Variants in TSHZ1 observed in about 807,000 individuals in gnomAD.
TSHZ1 encodes the protein teashirt zinc finger homeobox 1.
A neutral mutation model predicts 67.1 loss-of-function variants in TSHZ1; 12 were observed. The observed-to-expected ratio is 0.18, with a 90% CI of 0.11 to 0.29. The LOEUF (loss-of-function observed/expected upper bound fraction) is 0.29, where lower values mean the gene tolerates loss of function less well. Ranked by LOEUF, TSHZ1 falls within the 10% of genes least tolerant of loss-of-function variation. The pLI is 1.00. For synonymous variants in TSHZ1, 632 were observed against 622.4 expected (o/e 1.02, Z -0.23); for missense variants, 1,305 against 1,413.9 (o/e 0.92, Z 1.23).
intron 1 of TSHZ1, chr18:75,284,331 G>C (rs867503257): frequency 6.5e-6 from 1 of 152,680 alleles, no homozygotes; most frequent in Non-Finnish European, 1.5e-5. Context: ...TCGCTCCGCT[G>C]TGCAGTCGTG....
At chr18:75,214,864 C>T (rs772513623) in intron 1 of TSHZ1, among the ~76,000 whole-genome samples, 19 of 152,230 alleles carry the variant, frequency 1.2e-4, no homozygotes, top group East Asian at 7.7e-4. Context: ...ACAGGCGTAA[C>T]GATTAATGCG....
In TSHZ1 at chr18:75,287,382, C is replaced by T. The variant is rs775558843; in HGVS notation, c.1975C>T (p.Pro659Ser). The change falls in exon 2 of 2, where the codon CCT (proline) becomes TCT (serine). Residue 659 changes from proline to serine, a missense_variant. Physicochemically the swap from Pro to Ser is moderately conservative, Grantham distance 74. This residue lies in a region of TSHZ1 where 909 missense variants were observed against 961.8 expected (regional missense o/e 0.95). Coordinates refer to ENST00000580243, the MANE Select transcript of TSHZ1 (RefSeq NM_001308210.2). The surrounding 1 kb of genome is among the most constrained non-coding windows in gnomAD (Gnocchi z 5.0). ...CAACATCAAGAAGGAGGAGAGACCCCCTGAGAAGGAGAAGAGCTCCCTGGC... is the reference window on the plus strand; with the variant it reads ...CAACATCAAGAAGGAGGAGAGACCCTCTGAGAAGGAGAAGAGCTCCCTGGC... ...KVNIKKEERP[P>S]EKEKSSLAKA... 11 of 1,613,896 alleles carry T rather than the reference C, an allele frequency of 6.8e-6. 1 individual carries two copies. The East Asian group carries it at 2.5e-4, about 36-fold the overall frequency.
intron 1 of TSHZ1, among the ~76,000 whole-genome samples, chr18:75,239,936 ACT>A (rs1291610574): frequency 2.0e-5 from 3 of 151,504 alleles, no homozygotes; most frequent in African/African-American, 7.3e-5. Flanking sequence ...TTTCGAGAAA[ACT>A]CTATTTCTTG....
intron 1 of TSHZ1, among the ~76,000 whole-genome samples, chr18:75,243,593 A>C (rs1016597145): frequency 6.6e-6 from 1 of 152,142 alleles, no homozygotes; most frequent in Non-Finnish European, 1.5e-5. Flanking sequence ...GGATGAATCA[A>C]TGTGGGTTTG....
chr18:75,237,900 C>T (rs1474904343), intron 1 of TSHZ1, among the ~76,000 whole-genome samples: 1 of 152,038 alleles, frequency 6.6e-6, no homozygotes, highest in Non-Finnish European at 1.5e-5. Flanking sequence ...GCAACCTCCG[C>T]CTCCTGGGTT....
Position 75,242,939 on chromosome 18 carries a change from ATGTGT to A in TSHZ1, c.40+31026_40+31030del, listed in dbSNP as rs757897312. ...CCCCTAGAGGGGCCTCCTAGTGAAC[ATGTGT>A]TGCTCTATCCTGCATGTCACTCTGC... is the stretch of plus-strand genomic sequence containing the variant. On this transcript the variant is annotated intron_variant, in intron 1 of 1. Transcript: ENST00000580243. Among the ~76,000 whole-genome samples, 8 of 152,282 alleles carry A rather than the reference ATGTGT, an allele frequency of 5.3e-5. 1 individual carries two copies. The highest frequency in any genetic ancestry group is 2.1e-4 in the South Asian group (1 of 4,814).
At chr18:75,264,539 T>C (rs1159705230) in intron 1 of TSHZ1, among the ~76,000 whole-genome samples, 1 of 151,482 alleles carries the variant, frequency 6.6e-6, no homozygotes, top group Non-Finnish European at 1.5e-5. Flanking sequence ...GAAAGGGCTA[T>C]TTAAAAGGAA....
At chr18:75,225,581 C>T (rs758913451) in intron 1 of TSHZ1, among the ~76,000 whole-genome samples, 2 of 152,136 alleles carry the variant, frequency 1.3e-5, no homozygotes, top group Non-Finnish European at 2.9e-5. Flanking sequence ...GCCCCACTGT[C>T]GTGGAAATCA....
chr18:75,287,976 A>C lies in TSHZ1; in HGVS notation c.2569A>C (p.Thr857Pro). Residue 857 changes from threonine to proline, a missense_variant, in exon 2 of 2, where the codon ACG becomes CCG. Around this residue, in one of 3 missense-constraint regions of TSHZ1, gnomAD observed 909 missense variants for 961.8 expected, o/e 0.95. Coordinates refer to ENST00000580243, the MANE Select transcript of TSHZ1 (RefSeq NM_001308210.2). This position sits in a 1 kb window ranked among gnomAD's most constrained non-coding sequence, Gnocchi z 5.0. ...AGGCCGCCTGACGCCCAAGTCCTCC[A>C]CGCCCTCCACAGTTTCAGAGAAGTC... ...LTGRLTPKSS[T>P]PSTVSEKSDA... is the part of the protein sequence containing the mutation. The C allele has an allele frequency of 6.2e-7, 1 of 1,614,092 alleles. No individual in the cohort carries two copies. The highest frequency in any genetic ancestry group is 8.5e-7 in the Non-Finnish European group (1 of 1,180,022).
intron 1 of TSHZ1, among the ~76,000 whole-genome samples, chr18:75,256,404 C>G (rs569689344): frequency 2.2e-4 from 33 of 152,158 alleles, no homozygotes; most frequent in Non-Finnish European, 4.3e-4. Context: ...CCACATGACC[C>G]ATGGTAGAGG....
intron 1 of TSHZ1, among the ~76,000 whole-genome samples, chr18:75,232,856 T>C (rs1414555755): frequency 2.0e-5 from 3 of 152,242 alleles, no homozygotes; most frequent in African/African-American, 7.2e-5. Context: ...AATGGATTAA[T>C]AGTCACAATA....
In TSHZ1 at chr18:75,288,558, G is replaced by A. The variant is rs769332406; in HGVS notation, c.3151G>A (p.Ala1051Thr). The change falls in exon 2 of 2, where the codon GCA becomes ACA. Residue 1051 changes from alanine (A) to threonine (T), a missense_variant. This residue lies in a region of TSHZ1 where 909 missense variants were observed against 961.8 expected (regional missense o/e 0.95). Transcript: ENST00000580243. This position sits in a 1 kb window ranked among gnomAD's most constrained non-coding sequence, Gnocchi z 4.9. ...LCNRTFASKHAVKLHLSKTHG... is the reference protein window; with the variant it reads ...LCNRTFASKHTVKLHLSKTHG... ...CAACCGGACTTTTGCGAGCAAGCAC[G>A]CAGTCAAACTGCACCTTAGTAAGAC... The A allele has an allele frequency of 6.2e-6, 10 of 1,614,046 alleles. No individual in the cohort carries two copies. Among genetic ancestry groups the A allele is most frequent in the East Asian group, 2.2e-5 (1 of 44,894 alleles).
intron 1 of TSHZ1, among the ~76,000 whole-genome samples, chr18:75,246,387 G>A (rs1347076468): frequency 1.1e-5 from 1 of 92,466 alleles, no homozygotes; most frequent in South Asian, 3.6e-4. Context: ...CCTCTGATGG[G>A]GTGTTTTTGG....
chr18:75,216,903 G>C (rs2122512764), intron 1 of TSHZ1, among the ~76,000 whole-genome samples: 1 of 152,330 alleles, frequency 6.6e-6, no homozygotes, highest in East Asian at 1.9e-4. Flanking sequence ...TCCTGTTTCT[G>C]CCTGTGCATT....
intron 1 of TSHZ1, among the ~76,000 whole-genome samples, chr18:75,225,783 C>T (rs1004073773): frequency 2.6e-5 from 4 of 151,940 alleles, no homozygotes; most frequent in African/African-American, 7.3e-5. Context: ...TGAAGAATAG[C>T]GATACCTCAA....
intron 1 of TSHZ1, among the ~76,000 whole-genome samples, chr18:75,224,147 T>C (rs550192110): frequency 6.6e-6 from 1 of 152,014 alleles, no homozygotes; most frequent in African/African-American, 2.4e-5. Flanking sequence ...ATTTTTCTTA[T>C]TGGAACGCTT....
At chr18:75,229,607 T>TG (rs1331553388) in intron 1 of TSHZ1, among the ~76,000 whole-genome samples, 1 of 152,202 alleles carries the variant, frequency 6.6e-6, no homozygotes, top group Admixed American at 6.5e-5. Flanking sequence ...AGCCCCTCCT[T>TG]GGGGAAGCCC....
chr18:75,270,707 G>A (rs1024929090), intron 1 of TSHZ1, among the ~76,000 whole-genome samples: 2 of 152,188 alleles, frequency 1.3e-5, no homozygotes, highest in African/African-American at 4.8e-5. Context: ...ACTGTCGTGA[G>A]TATTTAGGAA....
intron 1 of TSHZ1, among the ~76,000 whole-genome samples, chr18:75,266,502 C>T (rs1490103081): frequency 6.6e-6 from 1 of 152,116 alleles, no homozygotes; most frequent in African/African-American, 2.4e-5. Context: ...GAACAGAAAT[C>T]CAACTTGTAT....
Sources: gnomAD v4.1 joint callset for allele counts (sites outside exome capture counted in the v4.1 genomes callset) on GRCh38, gnomAD v4.1.1 for gene constraint, gnomAD v4.1.1 regional missense constraint, Gnocchi (gnomAD v3.1) non-coding constraint, MANE v1.5 for transcripts, NCBI Gene and HGNC (gene_info 2026-07-23, HGNC 2026-07-21) for gene names.